Variants in PITPNM3 observed in about 807,000 individuals in gnomAD.
The protein encoded by PITPNM3 is PITPNM family member 3.
A neutral mutation model predicts 102.0 loss-of-function variants in PITPNM3; 26 were observed. That is an observed-to-expected ratio of 0.25 (90% CI 0.19 to 0.35). PITPNM3 has a LOEUF of 0.35. Ranked by LOEUF, PITPNM3 falls within the 10% of genes least tolerant of loss-of-function variation. The pLI is 1.00. For synonymous variants in PITPNM3, 578 were observed against 558.6 expected, an observed-to-expected ratio of 1.03 and a Z score of -0.49; for missense variants, 1,083 against 1,346.1, an observed-to-expected ratio of 0.80 and a Z score of 3.06.
At position 6,474,558 on chromosome 17, in the gene PITPNM3, C is replaced by A. The variant is rs974807683; in HGVS notation, c.1132G>T (p.Gly378Trp). 1.3e-6 allele frequency: 2 copies of A among 1,597,360 alleles called. No homozygotes were observed. Among genetic ancestry groups the A allele is most frequent in the Non-Finnish European group, 1.7e-6 (2 of 1,172,626 alleles). Residue 378 changes from glycine to tryptophan, a missense_variant, in exon 10 of 20, where the codon GGG becomes TGG. By Grantham distance (184) the Gly-to-Trp change is radical. Coordinates refer to ENST00000262483, the MANE Select transcript of PITPNM3 (RefSeq NM_031220.4). The part of the protein sequence containing the change: ...LKDESETPAA[G>W]GPQLPEVSLG... Reference sequence around the variant, plus strand: ...CTGACCTCAGGGAGCTGCGGCCCCCCAGCCGCCGGGGTCTCAGACTCATCC... The same window carrying A: ...CTGACCTCAGGGAGCTGCGGCCCCCAAGCCGCCGGGGTCTCAGACTCATCC...
At chr17:6,529,957 T>TG (rs751288826) in intron 2 of PITPNM3, among the ~76,000 whole-genome samples, 10 of 152,000 alleles carry the variant, frequency 6.6e-5, no homozygotes, top group Admixed American at 2.6e-4. Flanking sequence ...AGAGGGAGAG[T>TG]GGGGGCCTGT....
chr17:6,519,363 A>AAAAAAAAAAAAC (rs1908370307), intron 3 of PITPNM3, among the ~76,000 whole-genome samples: 1 of 137,566 alleles, frequency 7.3e-6, no homozygotes, highest in African/African-American at 3.0e-5. Context: ...AAAAAAAAAA[A>AAAAAAAAAAAAC]AAAAAAATTA....
In PITPNM3 at chr17:6,456,077, G is replaced by T. The variant is rs550408354; in HGVS notation, c.2620-434C>A. Among the ~76,000 whole-genome samples, 327 of 152,056 alleles carry T rather than the reference G, an allele frequency of 2.2e-3. 1 individual carries two copies. The highest frequency in any genetic ancestry group is 7.4e-3 in the African/African-American group (308 of 41,474). ...CTCGCTGTGTCGCCCAGGCTGGAGT[G>T]CAGTAGCCCAGTCTCAGCTCACCGC... On this transcript the variant is annotated intron_variant, in intron 19 of 19. Coordinates refer to ENST00000262483, the MANE Select transcript of PITPNM3 (RefSeq NM_031220.4).
chr17:6,488,180 C>T (rs184318504), intron 4 of PITPNM3, among the ~76,000 whole-genome samples: 2 of 152,312 alleles, frequency 1.3e-5, no homozygotes, highest in African/African-American at 4.8e-5. Context: ...CAGGTCTCTG[C>T]TCTTCTAAAA....
chr17:6,458,450 G>C lies in PITPNM3; in HGVS notation c.2491-728C>G, dbSNP rs1279631769. 1.3e-5 allele frequency among the ~76,000 whole-genome samples: 2 copies of C among 152,100 alleles called. No homozygotes were observed. The highest frequency in any genetic ancestry group is 4.8e-5 in the African/African-American group (2 of 41,388). ...TTCCTGCCAAGCCCCACCATCACTGGGATGACCCACGGTCTGCATGACGTG... is the reference window on the plus strand; with the variant it reads ...TTCCTGCCAAGCCCCACCATCACTGCGATGACCCACGGTCTGCATGACGTG... On this transcript the variant is annotated intron_variant, in intron 18 of 19. Transcript: ENST00000262483. The surrounding 1 kb of genome is among the most constrained non-coding windows in gnomAD (Gnocchi z 5.1).
intron 1 of PITPNM3, among the ~76,000 whole-genome samples, chr17:6,550,417 T>C (rs1044139632): frequency 1.3e-5 from 2 of 152,188 alleles, no homozygotes; most frequent in African/African-American, 4.8e-5. Flanking sequence ...GGTCCCAGCA[T>C]GCGAACTCCC....
At chr17:6,501,024 T>C (rs1231993476) in intron 4 of PITPNM3, among the ~76,000 whole-genome samples, 1 of 152,170 alleles carries the variant, frequency 6.6e-6, no homozygotes, top group Non-Finnish European at 1.5e-5. Flanking sequence ...CCTTCAGCAA[T>C]AGAATTCTAA....
intron 11 of PITPNM3, among the ~76,000 whole-genome samples, chr17:6,471,743 C>T (rs374441341): frequency 1.3e-3 from 197 of 152,212 alleles, no homozygotes; most frequent in African/African-American, 1.5e-3. Context: ...TCCTCCCCTG[C>T]GCCACAAAGA....
intron 2 of PITPNM3, among the ~76,000 whole-genome samples, chr17:6,533,958 G>A (rs573264604): frequency 2.7e-4 from 41 of 152,218 alleles, no homozygotes; most frequent in African/African-American, 8.9e-4. Flanking sequence ...TCTAGCTCCC[G>A]CTCTGCCTCT....
chr17:6,540,168 G>A (rs970358005), intron 1 of PITPNM3, among the ~76,000 whole-genome samples: 1 of 152,226 alleles, frequency 6.6e-6, no homozygotes, highest in Admixed American at 6.5e-5. Flanking sequence ...AGCTACAGGT[G>A]AGCAGAAAAG....
chr17:6,477,193 C>T lies in PITPNM3; in HGVS notation c.921G>A (p.Glu307=), dbSNP rs200965929. The T allele has an allele frequency of 2.8e-4, 454 of 1,614,052 alleles. 1 individual carries two copies. Among genetic ancestry groups the T allele is most frequent in the Non-Finnish European group, 3.6e-4 (427 of 1,180,030 alleles). Residue 307 remains glutamate (E), a synonymous_variant, in exon 9 of 20, where the codon GAG becomes GAA. Transcript: ENST00000262483. The part of the protein sequence containing the change: ...SSTQDTPVAV[E]EDCSLASSKR... ...TGCTGCTGGCCAGGCTGCAATCTTC[C>T]TCCACCGCGACTGGGGTGTCCTTTG...
chr17:6,498,209 G>A (rs1330074779), intron 4 of PITPNM3, among the ~76,000 whole-genome samples: 2 of 152,248 alleles, frequency 1.3e-5, no homozygotes, highest in Admixed American at 1.3e-4. Flanking sequence ...GGGGTCCAGA[G>A]GGACCCTGGT....
In PITPNM3 at chr17:6,457,493, A is replaced by G; in HGVS notation, c.2619+101T>C. The G allele has an allele frequency of 6.4e-7, 1 of 1,556,514 alleles. No homozygotes were observed. The highest frequency in any genetic ancestry group is 1.2e-5 in the South Asian group (1 of 85,986). ...GAATAAATGAATGAGCAAATGGGGG[A>G]ATGAACAAATGAATGAATGAATGAA... is the stretch of plus-strand genomic sequence containing the variant. On this transcript the variant is annotated intron_variant, in intron 19 of 19. Coordinates refer to ENST00000262483, the MANE Select transcript of PITPNM3 (RefSeq NM_031220.4). This position sits in a 1 kb window ranked among gnomAD's most constrained non-coding sequence, Gnocchi z 4.7.
At chr17:6,456,172 T>C (rs1914108372) in intron 19 of PITPNM3, among the ~76,000 whole-genome samples, 1 of 152,116 alleles carries the variant, frequency 6.6e-6, no homozygotes. Context: ...CACGGGTACA[T>C]GCCACCATGC....
chr17:6,550,147 A>T (rs1461172517), intron 1 of PITPNM3, among the ~76,000 whole-genome samples: 1 of 152,236 alleles, frequency 6.6e-6, no homozygotes, highest in African/African-American at 2.4e-5. Context: ...TTCAAGGTCA[A>T]CCAGTGCCAA....
At chr17:6,483,816 G>GAC (rs139999380) in intron 5 of PITPNM3, 64 bp from the exon 6 acceptor site, 57 of 1,358,338 alleles carry the variant, frequency 4.2e-5, no homozygotes, top group South Asian at 2.2e-4. Flanking sequence ...GGCACACAGG[G>GAC]ACACACACAC....
At chr17:6,514,618 G>C (rs974859966) in intron 3 of PITPNM3, among the ~76,000 whole-genome samples, 3 of 152,228 alleles carry the variant, frequency 2.0e-5, no homozygotes, top group Non-Finnish European at 4.4e-5. Context: ...TGTTGGCAAG[G>C]ATGCAGAGAA....
intron 3 of PITPNM3, among the ~76,000 whole-genome samples, chr17:6,522,219 A>T (rs1049279248): frequency 1.3e-5 from 2 of 152,056 alleles, no homozygotes; most frequent in African/African-American, 2.4e-5. Flanking sequence ...AAAGAGAGGT[A>T]TGTGTGACCA....
chr17:6,540,452 C>T (rs1182343878), intron 1 of PITPNM3, among the ~76,000 whole-genome samples: 1 of 152,076 alleles, frequency 6.6e-6, no homozygotes, highest in African/African-American at 2.4e-5. Flanking sequence ...TCTGTACTTC[C>T]GTGGGGAGAA....
Sources: gnomAD v4.1 joint callset for allele counts (sites outside exome capture counted in the v4.1 genomes callset) on GRCh38, gnomAD v4.1.1 for gene constraint, Gnocchi (gnomAD v3.1) non-coding constraint, MANE v1.5 for transcripts, NCBI Gene and HGNC (gene_info 2026-07-23, HGNC 2026-07-21) for gene names.